The following TFB2M variants were observed in gnomAD, a reference collection of about 807,000 sequenced individuals.
TFB2M encodes transcription factor B2, mitochondrial, also known as dimethyladenosine transferase 2, mitochondrial.
Under a neutral mutation model 41.3 loss-of-function variants are expected in TFB2M, and 44 were observed. The observed-to-expected ratio is 1.07, with a 90% CI of 0.84 to 1.37. The LOEUF is 1.37. Among genes scored for constraint, TFB2M ranks in the 40% most tolerant of loss-of-function variants. TFB2M has a pLI of 0.00. For synonymous variants in TFB2M, 188 were observed against 176.8 expected (o/e 1.06, Z -0.50); for missense variants, 496 against 490.2 (o/e 1.01, Z -0.11).
chr1:246,541,169 C>G lies in TFB2M; in HGVS notation c.1053G>C (p.Leu351Phe), dbSNP rs758995178. 2 of 1,613,878 alleles carry G rather than the reference C, an allele frequency of 1.2e-6. No homozygotes were observed. Among genetic ancestry groups the G allele is most frequent in the Middle Eastern group, 1.6e-4 (1 of 6,082 alleles). Residue 351 changes from leucine to phenylalanine, a missense_variant, in exon 8 of 8, where the codon TTG becomes TTC. By Grantham distance (22) the Leu-to-Phe change is conservative. Coordinates refer to ENST00000366514, the MANE Select transcript of TFB2M (RefSeq NM_022366.3). ...CATCCTCCTGTTTTCCTATTTGCAT[C>G]AATATATCTCTCGCATCAAGTGGAG... The part of the protein sequence containing the change: ...SLTPLDARDI[L>F]MQIGKQEDEK...
chr1:246,542,115 GGTAA>G (rs1346448254), intron 7 of TFB2M, among the ~76,000 whole-genome samples: 1 of 151,890 alleles, frequency 6.6e-6, no homozygotes, highest in Non-Finnish European at 1.5e-5. Flanking sequence ...GTAACACAAT[GGTAA>G]GTAATAGAAA....
rs780162068 is a variant in TFB2M, at chr1:246,541,138, C to T, written c.1084G>A (p.Val362Ile). 6.2e-7 allele frequency: 1 copy of T among 1,614,102 alleles called. No individual in the cohort carries two copies. Among genetic ancestry groups the T allele is most frequent in the Non-Finnish European group, 8.5e-7 (1 of 1,179,992 alleles). ...MQIGKQEDEK[V>I]VNMHPQDFKT... ...AAGTCTTGAGGGTGCATGTTAACTACTTTCTCATCCTCCTGTTTTCCTATT... is the reference window on the plus strand; with the variant it reads ...AAGTCTTGAGGGTGCATGTTAACTATTTTCTCATCCTCCTGTTTTCCTATT... Residue 362 changes from valine to isoleucine, a missense_variant, in exon 8 of 8, where the codon GTA (valine) becomes ATA (isoleucine). Val to Ile is a conservative substitution (Grantham distance 29). Coordinates refer to ENST00000366514, the MANE Select transcript of TFB2M (RefSeq NM_022366.3).
rs751647201 is a variant in TFB2M, at chr1:246,544,563, T to G, written c.977A>C (p.His326Pro). Residue 326 changes from histidine (H) to proline (P), a missense_variant, in exon 7 of 8, where the codon CAC becomes CCC. His to Pro is a moderately conservative substitution (Grantham distance 77, BLOSUM62 -2). Coordinates refer to ENST00000366514, the MANE Select transcript of TFB2M (RefSeq NM_022366.3). ...AGTGGCGCTGCGCCTCCCAAAACAG[T>G]GCTTTAACAAGTGAAAAAATATATT... ...NYNIFFHLLKHCFGRRSATVI... is the reference protein window; with the variant it reads ...NYNIFFHLLKPCFGRRSATVI... The G allele has an allele frequency of 6.2e-7, 1 of 1,610,010 alleles. No individual in the cohort carries two copies.
intron 6 of TFB2M, among the ~76,000 whole-genome samples, chr1:246,548,304 T>C (rs112108935): frequency 2.0e-5 from 3 of 152,206 alleles, no homozygotes; most frequent in South Asian, 4.1e-4. Flanking sequence ...TCAAAAGATA[T>C]AAGAAGAGAA....
At chr1:246,541,618 A>G (rs1658860273) in intron 7 of TFB2M, among the ~76,000 whole-genome samples, 1 of 152,234 alleles carries the variant, frequency 6.6e-6, no homozygotes, top group Non-Finnish European at 1.5e-5. Context: ...GCTAACCTAT[A>G]ATGAAAATAT....
At chr1:246,543,077 T>C (rs1658907761) in intron 7 of TFB2M, among the ~76,000 whole-genome samples, 1 of 146,640 alleles carries the variant, frequency 6.8e-6, no homozygotes, top group African/African-American at 2.5e-5. Context: ...CACTACAGCC[T>C]CCAATCCCCG....
chr1:246,552,406 T>A (rs537233165), intron 4 of TFB2M, among the ~76,000 whole-genome samples: 1 of 152,312 alleles, frequency 6.6e-6, no homozygotes, highest in South Asian at 2.1e-4. Flanking sequence ...AGAATTGAAC[T>A]AGAGTCTCAA....
chr1:246,549,576 G>A (rs958935069), intron 5 of TFB2M, among the ~76,000 whole-genome samples: 3 of 152,050 alleles, frequency 2.0e-5, no homozygotes, highest in East Asian at 1.9e-4. Flanking sequence ...GAGTGAGATC[G>A]TGTCTCAAAA....
Position 246,541,060 on chromosome 1 carries a change from G to A in TFB2M, c.1162C>T (p.Leu388=). ...ERSKDCAYKW[L]YDETLEDR is the part of the protein sequence containing the mutation. ...CTATCTTCCAGGGTTTCATCATACA[G>A]CCATTTATAAGCACAATCTTTGGAA... The change falls in exon 8 of 8, where the codon CTG becomes TTG. Residue 388 remains leucine (L), a synonymous_variant. Coordinates refer to ENST00000366514, the MANE Select transcript of TFB2M (RefSeq NM_022366.3). The A allele has an allele frequency of 6.2e-7, 1 of 1,613,002 alleles. No homozygotes were observed. Among genetic ancestry groups the A allele is most frequent in the East Asian group, 2.2e-5 (1 of 44,816 alleles).
At chr1:246,562,771 T>A (rs1659487584) in intron 2 of TFB2M, among the ~76,000 whole-genome samples, 1 of 152,108 alleles carries the variant, frequency 6.6e-6, no homozygotes, top group Admixed American at 6.6e-5. Flanking sequence ...GCGATTCTCC[T>A]GCCTCAGCCT....
rs1432072852 is a variant in TFB2M at position 246,544,692 on chromosome 1, GA to G, written c.859-12del. ...TTGGTCTAATAATTCCTGGAGAGAA[GA>G]AAAAATGAATTGCATTAGTCACAAA... is the stretch of plus-strand genomic sequence containing the variant. On this transcript the variant is annotated splice_polypyrimidine_tract_variant and intron_variant, in intron 6 of 7. Coordinates refer to ENST00000366514, the MANE Select transcript of TFB2M (RefSeq NM_022366.3). 1.9e-6 allele frequency: 3 copies of G among 1,576,376 alleles called. No homozygotes were observed. Among genetic ancestry groups the G allele is most frequent in the East Asian group, 2.3e-5 (1 of 44,022 alleles).
intron 1 of TFB2M, 73 bp downstream of exon 1, chr1:246,565,753 A>T: frequency 6.8e-7 from 1 of 1,479,752 alleles, no homozygotes; most frequent in Non-Finnish European, 9.1e-7. Flanking sequence ...TATCTAAAAT[A>T]GCACCCCGAG....
intron 2 of TFB2M, among the ~76,000 whole-genome samples, chr1:246,559,096 C>A (rs1659392792): frequency 6.6e-6 from 1 of 152,132 alleles, no homozygotes; most frequent in Non-Finnish European, 1.5e-5. Flanking sequence ...TATCCTATTT[C>A]TAAATCTAGT....
chr1:246,564,435 C>G lies in TFB2M; in HGVS notation c.314-1G>C. On this transcript the variant is annotated splice_acceptor_variant, in intron 1 of 7. Transcript: ENST00000366514. LOFTEE classifies it high-confidence loss of function. The stretch of plus-strand genomic sequence containing the variant: ...AATGCCTGAGTCAGGATTCCAGGAC[C>G]TGGCACATTAACAGAACGAAAAGTT... The G allele has an allele frequency of 6.2e-7, 1 of 1,613,878 alleles. No individual in the cohort carries two copies. The highest frequency in any genetic ancestry group is 8.5e-7 in the Non-Finnish European group (1 of 1,179,840).
chr1:246,565,756 A>T, intron 1 of TFB2M, 70 bp downstream of exon 1: 1 of 1,497,140 alleles, frequency 6.7e-7, no homozygotes, highest in Non-Finnish European at 9.0e-7. Flanking sequence ...CTAAAATAGC[A>T]CCCCGAGGAG....
chr1:246,546,133 A>C (rs1488255194), intron 6 of TFB2M, among the ~76,000 whole-genome samples: 1 of 138,890 alleles, frequency 7.2e-6, no homozygotes, highest in African/African-American at 2.6e-5. Context: ...TGGGCAACAC[A>C]GGGAGACTCC....
intron 2 of TFB2M, among the ~76,000 whole-genome samples, chr1:246,559,162 T>C (rs1036874608): frequency 1.3e-5 from 2 of 152,168 alleles, no homozygotes; most frequent in Admixed American, 6.5e-5. Flanking sequence ...GTCCCCAGGC[T>C]GGTCTCCAAC....
chr1:246,557,256 G>C, intron 3 of TFB2M, 125 bp downstream of exon 3: 6 of 1,100,448 alleles, frequency 5.5e-6, no homozygotes, highest in Non-Finnish European at 7.9e-6. Flanking sequence ...CTGGGTGACA[G>C]AGTGAGACTC....
rs1347797128 is a variant in TFB2M, at chr1:246,565,983, C to T, written c.156G>A (p.Trp52Ter). ...GCGGATTCCTGAAATCCGGTTCGGGCCACAGCTGCGGAGAGGAGTCAGAGA... is the reference window on the plus strand; with the variant it reads ...GCGGATTCCTGAAATCCGGTTCGGGTCACAGCTGCGGAGAGGAGTCAGAGA... ...CGLSDSSPQL[W>*]PEPDFRNPPR... The change falls in exon 1 of 8, where the codon TGG becomes TGA. Residue 52 changes from tryptophan (W) to a stop codon, truncating the protein, a stop_gained. Transcript: ENST00000366514. LOFTEE classifies it high-confidence loss of function. 6 of 1,614,200 alleles carry T rather than the reference C, an allele frequency of 3.7e-6. No homozygotes were observed. Among genetic ancestry groups the T allele is most frequent in the Non-Finnish European group, 5.1e-6 (6 of 1,180,050 alleles).
Sources: gnomAD v4.1 joint callset for allele counts (sites outside exome capture counted in the v4.1 genomes callset) on GRCh38, gnomAD v4.1.1 for gene constraint, MANE v1.5 for transcripts, NCBI Gene and HGNC (gene_info 2026-07-23, HGNC 2026-07-21) for gene names.